SUCLG2: variants seen among roughly 807,000 people sequenced by gnomAD.
SUCLG2 encodes the protein succinate-CoA ligase GDP-forming subunit beta, also known as succinate--CoA ligase [GDP-forming] subunit beta, mitochondrial.
Under a neutral mutation model 47.9 loss-of-function variants are expected in SUCLG2, and 42 were observed. The observed-to-expected ratio is 0.88, with a 90% CI of 0.69 to 1.14. The LOEUF (loss-of-function observed/expected upper bound fraction) is 1.14, where lower values mean the gene tolerates loss of function less well. Ranked by LOEUF, SUCLG2 falls within the 50% of genes most tolerant of loss-of-function variation. The probability of loss-of-function intolerance (pLI) is 0.00; values close to 1 mark genes in which losing one functional copy is unlikely to be tolerated. For missense variants in SUCLG2, 571 were observed against 525.9 expected (o/e 1.09, Z -0.84); for synonymous variants, 195 against 197.3 (o/e 0.99, Z 0.10).
intron 2 of SUCLG2, among the ~76,000 whole-genome samples, chr3:67,554,193 C>G (rs150904847): frequency 3.9e-5 from 6 of 152,156 alleles, no homozygotes; most frequent in Non-Finnish European, 8.8e-5. Flanking sequence ...AAGATGGCAT[C>G]CCGGGGTTCC....
intron 2 of SUCLG2, among the ~76,000 whole-genome samples, chr3:67,562,822 C>A (rs1052219312): frequency 3.3e-5 from 5 of 152,056 alleles, no homozygotes; most frequent in Admixed American, 3.3e-4. Flanking sequence ...AGGTGGTAGT[C>A]CCTACTATTA....
downstream of SUCLG2, chr3:67,374,708 A>G (rs11715724): frequency 0.13 from 108,325 of 861,162 alleles, 7,173 homozygotes; most frequent in African/African-American, 0.22. Context: ...AATGAGAGAT[A>G]CACACAGATC....
intron 7 of SUCLG2, among the ~76,000 whole-genome samples, chr3:67,505,825 G>A (rs552470532): frequency 4.6e-5 from 7 of 152,198 alleles, no homozygotes; most frequent in African/African-American, 9.6e-5. Context: ...AGCTGGGCGC[G>A]GTGGTGGGCG....
chr3:67,435,328 T>C (rs2106896539), intron 9 of SUCLG2, among the ~76,000 whole-genome samples: 1 of 152,330 alleles, frequency 6.6e-6, no homozygotes, highest in South Asian at 2.1e-4. Context: ...CTCAAACTTT[T>C]GCTTCAAATG....
intron 10 of SUCLG2, among the ~76,000 whole-genome samples, chr3:67,398,972 C>G (rs1306546029): frequency 5.9e-5 from 8 of 136,676 alleles, no homozygotes; most frequent in Middle Eastern, 9.8e-3. Flanking sequence ...ATTGAACAAT[C>G]AGAACACATG....
At chr3:67,427,380 C>A (rs1201412010) in intron 9 of SUCLG2, among the ~76,000 whole-genome samples, 1 of 152,054 alleles carries the variant, frequency 6.6e-6, no homozygotes, top group Non-Finnish European at 1.5e-5. Context: ...TTCAGAAATG[C>A]CTTAATATCA....
intron 9 of SUCLG2, among the ~76,000 whole-genome samples, chr3:67,405,845 T>C (rs561139379): frequency 2.0e-5 from 3 of 152,364 alleles, no homozygotes; most frequent in Admixed American, 6.5e-5. Flanking sequence ...TTTAGCAGGT[T>C]GTACTCAGTA....
chr3:67,596,504 C>T (rs979194253), intron 2 of SUCLG2, among the ~76,000 whole-genome samples: 15 of 152,238 alleles, frequency 9.9e-5, no homozygotes, highest in South Asian at 4.1e-4. Context: ...CTTCCCTGAC[C>T]ACCCAGCATT....
At chr3:67,559,320 TA>T (rs1707245973) in intron 2 of SUCLG2, among the ~76,000 whole-genome samples, 1 of 152,144 alleles carries the variant, frequency 6.6e-6, no homozygotes, top group African/African-American at 2.4e-5. Context: ...GGGTAATTTA[TA>T]AAGGAAAGAG....
intron 2 of SUCLG2, among the ~76,000 whole-genome samples, chr3:67,533,287 A>C (rs1245069226): frequency 6.6e-6 from 1 of 152,204 alleles, no homozygotes; most frequent in Non-Finnish European, 1.5e-5. Flanking sequence ...CTAAATTATA[A>C]TACTTTCCTA....
intron 9 of SUCLG2, among the ~76,000 whole-genome samples, chr3:67,448,501 C>T: frequency 6.6e-6 from 1 of 152,178 alleles, no homozygotes; most frequent in East Asian, 1.9e-4. Context: ...TCTCATGCCT[C>T]AGCCTCCTGA....
chr3:67,481,160 TA>T (rs1320442623), intron 9 of SUCLG2, among the ~76,000 whole-genome samples: 13 of 152,334 alleles, frequency 8.5e-5, no homozygotes, highest in Non-Finnish European at 1.0e-4. Context: ...TGCAAATTAC[TA>T]AAAAATTGAT....
chr3:67,425,532 G>A (rs1007048847), intron 9 of SUCLG2, among the ~76,000 whole-genome samples: 1 of 152,124 alleles, frequency 6.6e-6, no homozygotes, highest in Non-Finnish European at 1.5e-5. Flanking sequence ...AAAAAAAGGT[G>A]GAAGAAGGGA....
At chr3:67,609,632 T>C (rs1700493057) in intron 1 of SUCLG2, 36 bp from the exon 2 acceptor site, 1 of 1,595,004 alleles carries the variant, frequency 6.3e-7, no homozygotes, top group Non-Finnish European at 8.5e-7. Flanking sequence ...AGAACATTCA[T>C]TAATAGCAAG....
At chr3:67,642,761 C>T (rs77002455) in intron 1 of SUCLG2, among the ~76,000 whole-genome samples, 266 of 152,300 alleles carry the variant, frequency 1.7e-3, no homozygotes, top group African/African-American at 5.6e-3. Flanking sequence ...TGATAAACAT[C>T]AGGTGTCTAT....
rs149080210 is a variant in SUCLG2 at position 67,537,662 on chromosome 3, G to A, written c.227-8476C>T. Among the ~76,000 whole-genome samples the A allele has an allele frequency of 4.5e-3, 678 of 152,280 alleles. 8 individuals are homozygous for A. The East Asian group carries it at 0.054, about 12-fold the overall frequency. On this transcript the variant is annotated intron_variant, in intron 2 of 10. Coordinates refer to ENST00000307227, the MANE Select transcript of SUCLG2 (RefSeq NM_003848.4). ...AATCGCCACACTCTCTTCTACAATGGTTGAACTAATTTACACTCCCATCAA... is the reference window on the plus strand; with the variant it reads ...AATCGCCACACTCTCTTCTACAATGATTGAACTAATTTACACTCCCATCAA...
intron 1 of SUCLG2, among the ~76,000 whole-genome samples, chr3:67,625,726 G>A (rs144693217): frequency 6.6e-6 from 1 of 152,252 alleles, no homozygotes; most frequent in African/African-American, 2.4e-5. Flanking sequence ...GAGGCCTTGA[G>A]AACAAGCCCC....
intron 9 of SUCLG2, among the ~76,000 whole-genome samples, chr3:67,405,907 G>T (rs1025097133): frequency 4.6e-5 from 7 of 152,158 alleles, no homozygotes; most frequent in Non-Finnish European, 7.4e-5. Flanking sequence ...TATCACAGGA[G>T]GTGGGTATAA....
At chr3:67,494,886 C>T (rs1465994971) in intron 9 of SUCLG2, among the ~76,000 whole-genome samples, 1 of 152,128 alleles carries the variant, frequency 6.6e-6, no homozygotes, top group Non-Finnish European at 1.5e-5. Context: ...CCCACACTGC[C>T]CCTAGCATGG....
Sources: allele counts gnomAD v4.1 joint callset (sites outside exome capture counted in the v4.1 genomes callset), GRCh38; gene constraint gnomAD v4.1.1; transcripts MANE v1.5; gene names NCBI Gene and HGNC (gene_info 2026-07-23, HGNC 2026-07-21).